Variants in SLC2A9 observed in about 807,000 individuals in gnomAD.
SLC2A9 encodes the protein solute carrier family 2 member 9, also known as solute carrier family 2, facilitated glucose transporter member 9.
A neutral mutation model predicts 50.6 loss-of-function variants in SLC2A9; 39 were observed. The ratio of observed to expected loss-of-function variants is 0.77; its 90% CI spans 0.60 to 1.01. The LOEUF (loss-of-function observed/expected upper bound fraction) is 1.01, where lower values mean the gene tolerates loss of function less well. Ranked by LOEUF, SLC2A9 falls within the 50% of genes least tolerant of loss-of-function variation. The probability of loss-of-function intolerance (pLI) is 0.00; values close to 1 mark genes in which losing one functional copy is unlikely to be tolerated. For synonymous variants in SLC2A9, 324 were observed against 276.9 expected, an observed-to-expected ratio of 1.17 and a Z score of -1.69; for missense variants, 686 against 677.6, an observed-to-expected ratio of 1.01 and a Z score of -0.14.
intron 5 of SLC2A9, among the ~76,000 whole-genome samples, chr4:9,980,019 C>T (rs1336585066): frequency 1.3e-5 from 2 of 150,096 alleles, no homozygotes; most frequent in Non-Finnish European, 2.9e-5. Context: ...CCACCCCATT[C>T]GACCTGAGTG....
intron 5 of SLC2A9, among the ~76,000 whole-genome samples, chr4:9,972,377 TA>T (rs34838359): frequency 1.1e-4 from 16 of 151,980 alleles, no homozygotes; most frequent in East Asian, 5.8e-4. Flanking sequence ...TGATTTGTTT[TA>T]AAAAAAATAT....
At chr4:9,870,613 A>C (rs1733266074) in intron 10 of SLC2A9, among the ~76,000 whole-genome samples, 1 of 152,330 alleles carries the variant, frequency 6.6e-6, no homozygotes, top group Admixed American at 6.5e-5. Context: ...TTTCGCATTC[A>C]AGTTTCAGGC....
chr4:9,979,834 A>T (rs190992803), intron 5 of SLC2A9, among the ~76,000 whole-genome samples: 293 of 152,156 alleles, frequency 1.9e-3, no homozygotes, highest in African/African-American at 6.8e-3. Context: ...TCAGCCCCAC[A>T]GCCATCTGAG....
intron 10 of SLC2A9, among the ~76,000 whole-genome samples, chr4:9,863,692 A>G (rs1732004868): frequency 7.0e-6 from 1 of 142,168 alleles, no homozygotes; most frequent in Non-Finnish European, 1.5e-5. Context: ...GAGAGAATGC[A>G]TGTCCGCTGA....
At chr4:9,880,048 G>A (rs1734940032) in intron 10 of SLC2A9, 3 of 985,290 alleles carry the variant, frequency 3.0e-6, no homozygotes, top group African/African-American at 1.7e-5. Context: ...ATCATGGAGA[G>A]CAGGCCCATG....
intron 1 of SLC2A9, among the ~76,000 whole-genome samples, chr4:10,038,506 CAAAA>C (rs35698968): frequency 4.0e-5 from 2 of 49,430 alleles, no homozygotes; most frequent in Non-Finnish European, 3.5e-5. Flanking sequence ...GACTCTGTCT[CAAAA>C]AAAAAAAAAA....
intron 11 of SLC2A9, among the ~76,000 whole-genome samples, chr4:9,828,598 G>T (rs1415775762): frequency 1.3e-5 from 2 of 152,070 alleles, no homozygotes; most frequent in African/African-American, 4.8e-5. Flanking sequence ...CCAGTATTAG[G>T]CCTCAGAATC....
rs115384597 is a variant in SLC2A9 at position 9,995,235 on chromosome 4, G to T, written c.410+1546C>A. Among the ~76,000 whole-genome samples the T allele has an allele frequency of 3.3e-3, 509 of 152,220 alleles. 5 individuals are homozygous for T. The highest frequency in any genetic ancestry group is 0.012 in the African/African-American group (481 of 41,538). ...GAACCTTGAAGGACCTCAGACAATG[G>T]CATCTCTCACTACATCATGCAGTAG... On this transcript the variant is annotated intron_variant, in intron 3 of 11. Transcript: ENST00000264784.
intron 2 of SLC2A9, among the ~76,000 whole-genome samples, chr4:10,001,528 C>T (rs182020099): frequency 4.6e-5 from 7 of 152,256 alleles, no homozygotes; most frequent in South Asian, 2.1e-4. Context: ...TCACTCAGTC[C>T]GTGGTACTTT....
At chr4:10,035,770 T>TTTTG (rs1252872346) in intron 1 of SLC2A9, 1 of 152,182 alleles carries the variant, frequency 6.6e-6, no homozygotes, top group African/African-American at 2.4e-5. Flanking sequence ...AAGGCATTTC[T>TTTTG]TTTGTTTGTT....
intron 3 of SLC2A9, among the ~76,000 whole-genome samples, chr4:9,994,447 A>T (rs972396659): frequency 6.6e-6 from 1 of 152,188 alleles, no homozygotes; most frequent in African/African-American, 2.4e-5. Context: ...TTGGGGCATA[A>T]CAACCAACAC....
chr4:9,776,319 G>T (rs570927076), downstream of SLC2A9, among the ~76,000 whole-genome samples: 935 of 151,866 alleles, frequency 6.2e-3, 8 homozygotes, highest in African/African-American at 0.021. Flanking sequence ...CTCCAACAAA[G>T]TTTGTTCCGC....
chr4:9,946,380 T>C (rs1749158964), intron 5 of SLC2A9, among the ~76,000 whole-genome samples: 1 of 152,172 alleles, frequency 6.6e-6, no homozygotes, highest in Non-Finnish European at 1.5e-5. Context: ...GCAAAAAATG[T>C]TTAAGTAGAG....
chr4:9,986,510 A>C (rs1251111221), intron 3 of SLC2A9, among the ~76,000 whole-genome samples: 1 of 152,222 alleles, frequency 6.6e-6, no homozygotes, highest in Non-Finnish European at 1.5e-5. Context: ...TCAGAGAGAG[A>C]GAGCCCAGAA....
chr4:9,899,265 T>G (rs929641468), intron 8 of SLC2A9, among the ~76,000 whole-genome samples: 10 of 152,188 alleles, frequency 6.6e-5, no homozygotes, highest in African/African-American at 2.4e-4. Flanking sequence ...GAAGTTGGAT[T>G]ATTGTCAAAG....
intron 3 of SLC2A9, among the ~76,000 whole-genome samples, chr4:9,988,449 T>A (rs148639895): frequency 2.6e-5 from 4 of 152,338 alleles, no homozygotes; most frequent in Admixed American, 6.5e-5. Flanking sequence ...TCTGGGCAAG[T>A]TTATCATATT....
chr4:9,798,817 T>C (rs1720929786), downstream of SLC2A9: 1 of 152,244 alleles, frequency 6.6e-6, no homozygotes, highest in African/African-American at 2.4e-5. Context: ...GTGTGTGATG[T>C]TGAGCTACTT....
chr4:9,907,972 G>A (rs1379402431), intron 8 of SLC2A9, among the ~76,000 whole-genome samples: 1 of 152,126 alleles, frequency 6.6e-6, no homozygotes, highest in Non-Finnish European at 1.5e-5. Context: ...CCCCGGAGGT[G>A]TCAGGAACTG....
intron 7 of SLC2A9, among the ~76,000 whole-genome samples, chr4:9,911,832 C>G (rs1349416518): frequency 1.3e-5 from 2 of 152,220 alleles, no homozygotes; most frequent in Non-Finnish European, 2.9e-5. Context: ...CTAGAAGGTT[C>G]TGTCTCTCCA....
Sources: allele counts gnomAD v4.1 joint callset (sites outside exome capture counted in the v4.1 genomes callset), GRCh38; gene constraint gnomAD v4.1.1; transcripts MANE v1.5; gene names NCBI Gene and HGNC (gene_info 2026-07-23, HGNC 2026-07-21).